Variants in POF1B observed in about 807,000 individuals in gnomAD.
POF1B encodes protein POF1B.
A neutral mutation model predicts 55.3 loss-of-function variants in POF1B; 53 were observed. The observed-to-expected ratio is 0.96, with a 90% confidence interval of 0.77 to 1.20. The LOEUF (loss-of-function observed/expected upper bound fraction) is 1.20, where lower values mean the gene tolerates loss of function less well. Among genes scored for constraint, POF1B ranks in the 50% most tolerant of loss-of-function variants. POF1B has a pLI of 0.00. For missense variants in POF1B, 478 were observed against 420.5 expected (o/e 1.14, Z -1.20); for synonymous variants, 188 against 148.3 (o/e 1.27, Z -1.95).
chrX:85,335,416 A>G (rs1933053096), intron 6 of POF1B, among the ~76,000 whole-genome samples: 1 of 111,567 alleles, frequency 9.0e-6, no homozygotes, highest in African/African-American at 3.2e-5. Flanking sequence ...TTGATTTGGA[A>G]CATTTAATAT....
intron 6 of POF1B, among the ~76,000 whole-genome samples, chrX:85,344,189 C>T (rs1041557353): frequency 6.3e-5 from 7 of 111,117 alleles, no homozygotes; most frequent in African/African-American, 2.0e-4. Context: ...CACCATAATA[C>T]TCCTTGTCAC....
At chrX:85,293,181 T>C (rs1932231081) in intron 15 of POF1B, among the ~76,000 whole-genome samples, 1 of 111,951 alleles carries the variant, frequency 8.9e-6, no homozygotes, top group Non-Finnish European at 1.9e-5. Context: ...GGTATATACC[T>C]AAAGCAAAAT....
chrX:85,373,317 G>A (rs764166513), intron 2 of POF1B, among the ~76,000 whole-genome samples: 209 of 111,521 alleles, frequency 1.9e-3, no homozygotes, highest in African/African-American at 6.5e-3. Flanking sequence ...TGAGCTATTC[G>A]AGTCTCAATT....
intron 6 of POF1B, among the ~76,000 whole-genome samples, chrX:85,339,285 G>A (rs184649485): frequency 1.8e-5 from 2 of 110,303 alleles, no homozygotes; most frequent in African/African-American, 6.6e-5. Flanking sequence ...AGAATAGCAT[G>A]GGAAAGACCT....
chrX:85,290,297 T>TA lies in POF1B; in HGVS notation c.1650-7981dup, dbSNP rs200191493. Among the ~76,000 whole-genome samples, 40 of 111,209 alleles carry TA rather than the reference T, an allele frequency of 3.6e-4. No homozygotes were observed. In the East Asian group the frequency reaches 9.4e-3, roughly 26 times the overall value. On this transcript the variant is annotated intron_variant, in intron 15 of 16. Coordinates refer to ENST00000262753, the MANE Select transcript of POF1B (RefSeq NM_024921.4). ...GCTTCAAAAGACATGATTTTTTTTT[T>TA]ATGGCTGCACAGTATTACATGGTGT...
chrX:85,331,145 T>G, intron 6 of POF1B, 66 bp from the exon 7 acceptor site: 1 of 1,068,049 alleles, frequency 9.4e-7, no homozygotes, highest in Non-Finnish European at 1.2e-6. Flanking sequence ...GATATTTTTA[T>G]GTGAAGCGAA....
intron 9 of POF1B, among the ~76,000 whole-genome samples, chrX:85,308,838 T>A (rs770767204): frequency 2.5e-4 from 28 of 110,139 alleles, no homozygotes; most frequent in African/African-American, 7.6e-4. Flanking sequence ...CCAACACACC[T>A]GGTGAATTTT....
In POF1B at chrX:85,331,086, C is replaced by T; in HGVS notation, c.724-7G>A. 1 of 1,194,857 alleles carries T rather than the reference C, an allele frequency of 8.4e-7. No individual in the cohort carries two copies. The highest frequency in any genetic ancestry group is 1.1e-6 in the Non-Finnish European group (1 of 887,821). ...CATCATCCTGAATTATCACCTGAAG[C>T]AAACATCAATCACAATTGTAAGCAA... is the stretch of plus-strand genomic sequence containing the variant. On this transcript the variant is annotated splice_polypyrimidine_tract_variant and splice_region_variant and intron_variant, in intron 6 of 16. Coordinates refer to ENST00000262753, the MANE Select transcript of POF1B (RefSeq NM_024921.4).
intron 7 of POF1B, among the ~76,000 whole-genome samples, chrX:85,326,075 G>A (rs181403012): frequency 3.0e-4 from 34 of 111,681 alleles, no homozygotes; most frequent in Admixed American, 1.0e-3. Context: ...TTCCTGGACC[G>A]CTGGTCACAA....
chrX:85,304,602 C>T (rs965995894), intron 13 of POF1B, 131 bp from the exon 14 acceptor site: 6 of 311,465 alleles, frequency 1.9e-5, no homozygotes, highest in African/African-American at 1.1e-4. Flanking sequence ...TAGTCATAAA[C>T]GTTCGAAGAA....
chrX:85,330,132 T>C (rs765567060), intron 7 of POF1B, among the ~76,000 whole-genome samples: 132 of 109,971 alleles, frequency 1.2e-3, no homozygotes, highest in African/African-American at 4.1e-3. Flanking sequence ...GCTGTAATTA[T>C]ATAGTAGAAG....
At chrX:85,379,599 A>C in intron 1 of POF1B, 40 bp downstream of exon 1, 1 of 593,077 alleles carries the variant, frequency 1.7e-6, no homozygotes, top group Non-Finnish European at 2.5e-6. Context: ...GCTTATCAAA[A>C]CCTCTGCCAA....
intron 15 of POF1B, among the ~76,000 whole-genome samples, chrX:85,286,322 C>T: frequency 9.1e-6 from 1 of 109,435 alleles, no homozygotes; most frequent in Middle Eastern, 4.9e-3. Flanking sequence ...ACCTAATAAG[C>T]TAATAAAATA....
At chrX:85,322,665 G>A (rs1280779597) in intron 7 of POF1B, among the ~76,000 whole-genome samples, 6 of 111,306 alleles carry the variant, frequency 5.4e-5, no homozygotes, top group South Asian at 3.7e-4. Context: ...GCAACCTACA[G>A]AATGGGAGAA....
intron 7 of POF1B, among the ~76,000 whole-genome samples, chrX:85,323,616 AAAAAT>A (rs1355125291): frequency 9.5e-6 from 1 of 105,530 alleles, no homozygotes. Context: ...TAAAAAATAA[AAAAAT>A]AAAAAAAAAT....
At chrX:85,361,147 G>A (rs931128304) in intron 3 of POF1B, among the ~76,000 whole-genome samples, 3 of 111,582 alleles carry the variant, frequency 2.7e-5, no homozygotes, top group African/African-American at 9.8e-5. Context: ...ATGTGTAGTT[G>A]ACAAATATTT....
Position 85,330,948 on chromosome X carries a change from C to G in POF1B, c.854+1G>C, listed in dbSNP as rs1425291506. The G allele has an allele frequency of 8.5e-7, 1 of 1,177,341 alleles. No homozygotes were observed. The highest frequency in any genetic ancestry group is 2.0e-5 in the South Asian group (1 of 49,630). On this transcript the variant is annotated splice_donor_variant, in intron 7 of 16. Coordinates refer to ENST00000262753, the MANE Select transcript of POF1B (RefSeq NM_024921.4). LOFTEE classifies it high-confidence loss of function. ...CAAGGCAAATAATATGTTTACAGTA[C>G]CTTCCTCCAATTCTCTGCAAATGTT... is the stretch of plus-strand genomic sequence containing the variant.
intron 5 of POF1B, among the ~76,000 whole-genome samples, chrX:85,350,968 C>A (rs1394132513): frequency 9.0e-6 from 1 of 111,553 alleles, no homozygotes; most frequent in African/African-American, 3.2e-5. Context: ...ATGTATTGTA[C>A]ATTTAAAATT....
At chrX:85,363,053 T>G (rs1171865996) in intron 3 of POF1B, among the ~76,000 whole-genome samples, 1 of 111,484 alleles carries the variant, frequency 9.0e-6, no homozygotes, top group African/African-American at 3.3e-5. Context: ...TGTAGCAGTT[T>G]CTAATGGTAA....
Sources: allele counts gnomAD v4.1 joint callset (sites outside exome capture counted in the v4.1 genomes callset), GRCh38; gene constraint gnomAD v4.1.1; transcripts MANE v1.5; gene names NCBI Gene and HGNC (gene_info 2026-07-23, HGNC 2026-07-21).